Variants in PDE3B observed in about 807,000 individuals in gnomAD.
PDE3B encodes the protein phosphodiesterase 3B.
A neutral mutation model predicts 116.8 loss-of-function variants in PDE3B; 66 were observed. The observed-to-expected ratio is 0.56, with a 90% CI of 0.46 to 0.69. The LOEUF (loss-of-function observed/expected upper bound fraction) is 0.69. Ranked by LOEUF, PDE3B falls within the 30% of genes least tolerant of loss-of-function variation. The pLI is 0.00. For missense variants in PDE3B, 1,384 were observed against 1,368.1 expected (o/e 1.01, Z -0.18); for synonymous variants, 595 against 533.6 (o/e 1.12, Z -1.59).
At chr11:14,687,079 G>C (rs184911004) in intron 1 of PDE3B, among the ~76,000 whole-genome samples, 66 of 152,152 alleles carry the variant, frequency 4.3e-4, no homozygotes, top group African/African-American at 1.5e-3. Context: ...ATTCGTTTTG[G>C]TAATATGGTT....
chr11:14,654,686 T>A (rs1255081820), intron 1 of PDE3B, among the ~76,000 whole-genome samples: 1 of 151,978 alleles, frequency 6.6e-6, no homozygotes, highest in Non-Finnish European at 1.5e-5. Flanking sequence ...AGCATTTACA[T>A]TGGAAAGAAG....
At chr11:14,832,543 G>T (rs958145365) in intron 9 of PDE3B, among the ~76,000 whole-genome samples, 179 bp from the exon 10 acceptor site, 1 of 152,092 alleles carries the variant, frequency 6.6e-6, no homozygotes, top group African/African-American at 2.4e-5. Flanking sequence ...GCTTTAGGGT[G>T]ACATCTTCCA....
intron 1 of PDE3B, among the ~76,000 whole-genome samples, chr11:14,746,789 C>G (rs2349791): frequency 6.6e-6 from 1 of 152,236 alleles, no homozygotes; most frequent in Non-Finnish European, 1.5e-5. Context: ...GAAAAGAATA[C>G]GAGGATCCTT....
chr11:14,644,323 G>A lies in PDE3B; in HGVS notation c.248G>A (p.Gly83Asp). The change falls in exon 1 of 16, where the codon GGC becomes GAC. Residue 83 changes from glycine (G) to aspartate (D), a missense_variant. Physicochemically the swap from Gly to Asp is moderately conservative, Grantham distance 94. Transcript: ENST00000282096. ...TTCTGCCGGGCGCGCCTCTCGCTGG[G>A]CGCCCTGGCTGCCTTTGTCCTCGCC... ...SPFCRARLSL[G>D]ALAAFVLALL... The A allele has an allele frequency of 1.3e-6, 2 of 1,569,754 alleles. No individual in the cohort carries two copies. Among genetic ancestry groups the A allele is most frequent in the Non-Finnish European group, 1.7e-6 (2 of 1,163,670 alleles).
At chr11:14,697,854 G>A (rs1349453352) in intron 1 of PDE3B, among the ~76,000 whole-genome samples, 1 of 151,820 alleles carries the variant, frequency 6.6e-6, no homozygotes, top group Non-Finnish European at 1.5e-5. Context: ...ATGTTTGATT[G>A]TTGTTGTTAG....
intron 1 of PDE3B, among the ~76,000 whole-genome samples, chr11:14,663,323 A>G (rs2133766350): frequency 6.6e-6 from 1 of 152,358 alleles, no homozygotes; most frequent in African/African-American, 2.4e-5. Context: ...AAACATGGAA[A>G]GGAACAACCG....
chr11:14,885,994 T>C, the PDE3B span: 1 of 1,402,608 alleles, frequency 7.1e-7, no homozygotes, highest in Admixed American at 1.7e-5. Context: ...CTACAAGTGG[T>C]AAGTGCGGCT....
intron 12 of PDE3B, among the ~76,000 whole-genome samples, chr11:14,848,564 T>A (rs371235563): frequency 6.6e-6 from 1 of 152,096 alleles, no homozygotes; most frequent in Non-Finnish European, 1.5e-5. Flanking sequence ...TGTTTGCAGA[T>A]GACATGATTG....
At position 14,869,442 on chromosome 11, in the gene PDE3B, T is replaced by G; in HGVS notation, c.3140-19T>G. ...ATCATATTGCTATGATTAGAATATATTTATTTTAAATTTCACAGAACCACC... is the reference window on the plus strand; with the variant it reads ...ATCATATTGCTATGATTAGAATATAGTTATTTTAAATTTCACAGAACCACC... On this transcript the variant is annotated intron_variant, in intron 15 of 15. Coordinates refer to ENST00000282096, the MANE Select transcript of PDE3B (RefSeq NM_000922.4). 1 of 1,597,708 alleles carries G rather than the reference T, an allele frequency of 6.3e-7. No homozygotes were observed. Among genetic ancestry groups the G allele is most frequent in the South Asian group, 1.1e-5 (1 of 89,820 alleles).
chr11:14,884,892 G>A, the PDE3B span, among the ~76,000 whole-genome samples: 2 of 151,608 alleles, frequency 1.3e-5, no homozygotes, highest in East Asian at 3.9e-4. Flanking sequence ...TTATAATTGT[G>A]GCTGCTTCTT....
At chr11:14,684,690 G>C (rs1424603793) in intron 1 of PDE3B, among the ~76,000 whole-genome samples, 2 of 152,110 alleles carry the variant, frequency 1.3e-5, no homozygotes, top group African/African-American at 4.8e-5. Flanking sequence ...TAAGACACTT[G>C]CAGAGCAGCG....
chr11:14,880,593 C>G, the PDE3B span: 32 of 1,612,944 alleles, frequency 2.0e-5, no homozygotes, highest in Non-Finnish European at 2.7e-5. Context: ...TCGTTATTAA[C>G]TGTTTAAAGT....
rs1201175936 is a variant in PDE3B, at chr11:14,644,686, T to C, written c.611T>C (p.Val204Ala). 2 of 1,513,378 alleles carry C rather than the reference T, an allele frequency of 1.3e-6. No individual in the cohort carries two copies. Among genetic ancestry groups the C allele is most frequent in the East Asian group, 4.8e-5 (2 of 41,276 alleles). The allele number at this position is 1,513,378 out of a possible 1,614,324, so 93.7% of individuals were successfully genotyped here. Residue 204 changes from valine (V) to alanine (A), a missense_variant, in exon 1 of 16, where the codon GTA (valine) becomes GCA (alanine). Transcript: ENST00000282096. ...AGRLLLVLSC[V>A]GLLLTLAHPL... ...AGGTTGCTGCTGGTGCTGAGCTGCG[T>C]AGGGCTGCTGCTGACGCTCGCGCAC...
chr11:14,689,143 A>G (rs1055338551), intron 1 of PDE3B, among the ~76,000 whole-genome samples: 3 of 152,220 alleles, frequency 2.0e-5, no homozygotes, highest in East Asian at 1.9e-4. Context: ...CATAAGTCCT[A>G]TGATTTCATT....
intron 11 of PDE3B, among the ~76,000 whole-genome samples, chr11:14,836,963 G>A (rs968385464): frequency 1.3e-5 from 2 of 152,154 alleles, no homozygotes; most frequent in African/African-American, 4.8e-5. Context: ...ACAGATGCAC[G>A]CTGCCATGCC....
intron 1 of PDE3B, among the ~76,000 whole-genome samples, chr11:14,738,305 G>A (rs541812633): frequency 2.6e-5 from 4 of 152,266 alleles, no homozygotes; most frequent in Admixed American, 2.0e-4. Context: ...TTTAGTGATC[G>A]CCATTCTAAC....
chr11:14,738,152 T>G (rs970899542), intron 1 of PDE3B, among the ~76,000 whole-genome samples: 8 of 152,260 alleles, frequency 5.3e-5, no homozygotes, highest in African/African-American at 1.9e-4. Context: ...GATGGCTGGG[T>G]CAAATGGTAT....
At chr11:14,662,683 C>G (rs1479002546) in intron 1 of PDE3B, among the ~76,000 whole-genome samples, 1 of 152,060 alleles carries the variant, frequency 6.6e-6, no homozygotes, top group Admixed American at 6.5e-5. Flanking sequence ...GGAGCTGATG[C>G]GATCAACTGG....
chr11:14,771,933 C>A lies in PDE3B; in HGVS notation c.979-4C>A. The A allele has an allele frequency of 7.8e-7, 1 of 1,282,246 alleles. No individual in the cohort carries two copies. The highest frequency in any genetic ancestry group is 1.0e-6 in the Non-Finnish European group (1 of 960,284). 79.4% of individuals were successfully genotyped at this position (1,282,246 alleles called of 1,614,324 possible). A position where few individuals can be genotyped will look rare whatever the true frequency, so the allele number is the denominator to read the frequency against. On this transcript the variant is annotated splice_region_variant and splice_polypyrimidine_tract_variant and intron_variant, in intron 1 of 15. Coordinates refer to ENST00000282096, the MANE Select transcript of PDE3B (RefSeq NM_000922.4). Reference sequence around the variant, plus strand: ...TTTGTAACCAAGTGAATTTTTTTTTCTAGATGATTCTTTGGGATTGGGACT... The same window carrying A: ...TTTGTAACCAAGTGAATTTTTTTTTATAGATGATTCTTTGGGATTGGGACT...
Sources: gnomAD v4.1 joint callset for allele counts (sites outside exome capture counted in the v4.1 genomes callset) on GRCh38, gnomAD v4.1.1 for gene constraint, MANE v1.5 for transcripts, NCBI Gene and HGNC (gene_info 2026-07-23, HGNC 2026-07-21) for gene names.